Variants in MEF2C observed in about 807,000 individuals in gnomAD.
MEF2C encodes the protein myocyte-specific enhancer factor 2C.
MEF2C carries 6 observed loss-of-function variants against 50.5 expected under a neutral mutation model. The ratio of observed to expected loss-of-function variants is 0.12; its 90% CI spans 0.07 to 0.23. MEF2C has a LOEUF of 0.23. MEF2C is among the 10% of genes least tolerant of loss of function. The pLI is 1.00. For missense variants in MEF2C, 276 were observed against 605.0 expected (o/e 0.46, Z 5.70); for synonymous variants, 183 against 228.0 (o/e 0.80, Z 1.78).
At chr5:88,856,865 A>G (rs1032071285) in intron 1 of MEF2C, among the ~76,000 whole-genome samples, 6 of 152,228 alleles carry the variant, frequency 3.9e-5, no homozygotes, top group Admixed American at 3.9e-4. Context: ...CTGCTAGGGC[A>G]ATGCAGAAGG....
At chr5:88,723,768 G>A (rs953874486) in intron 10 of MEF2C, among the ~76,000 whole-genome samples, 1 of 152,222 alleles carries the variant, frequency 6.6e-6, no homozygotes, top group African/African-American at 2.4e-5. Flanking sequence ...GGCATTAGTT[G>A]ATGAATCTGG....
intron 1 of MEF2C, chr5:88,889,320 T>C (rs1481969752): frequency 6.6e-6 from 1 of 152,176 alleles, no homozygotes; most frequent in African/African-American, 2.4e-5. Context: ...TTATTGCCGA[T>C]CCTCCCCTCC....
At chr5:88,750,059 A>G in intron 5 of MEF2C, 3 of 617,220 alleles carry the variant, frequency 4.9e-6, no homozygotes, top group Non-Finnish European at 6.1e-6. Context: ...TTAGTTTTGA[A>G]AAAAACAACA....
chr5:88,745,461 G>C (rs1371135860), intron 6 of MEF2C, among the ~76,000 whole-genome samples: 1 of 152,244 alleles, frequency 6.6e-6, no homozygotes, highest in African/African-American at 2.4e-5. Flanking sequence ...GGATTGCATA[G>C]GTAAGAGTAA....
intron 10 of MEF2C, among the ~76,000 whole-genome samples, chr5:88,725,120 T>C (rs1404865468): frequency 1.3e-5 from 2 of 152,118 alleles, no homozygotes; most frequent in Non-Finnish European, 2.9e-5. Context: ...AGCTGCATTA[T>C]TCACCTCTTT....
chr5:88,891,521 G>A (rs957586733), intron 1 of MEF2C, among the ~76,000 whole-genome samples: 33 of 149,850 alleles, frequency 2.2e-4, no homozygotes, highest in African/African-American at 6.7e-4. Context: ...TCCTGCCTCA[G>A]CCTCCCGAGT....
intron 1 of MEF2C, among the ~76,000 whole-genome samples, chr5:88,851,231 CACAA>C (rs1821220528): frequency 2.8e-5 from 1 of 35,256 alleles, no homozygotes; most frequent in Non-Finnish European, 5.0e-5. Flanking sequence ...CACTCCATCT[CACAA>C]AAAAAAAAAA....
At chr5:88,866,055 CCGGCT>C (rs1827261306) in intron 1 of MEF2C, among the ~76,000 whole-genome samples, 1 of 152,096 alleles carries the variant, frequency 6.6e-6, no homozygotes. Context: ...GCAACCACGC[CCGGCT>C]AATTTTTTGT....
At chr5:88,801,663 T>A (rs1409760928) in intron 3 of MEF2C, among the ~76,000 whole-genome samples, 1 of 152,054 alleles carries the variant, frequency 6.6e-6, no homozygotes, top group Non-Finnish European at 1.5e-5. Flanking sequence ...ATTTTTTGGA[T>A]TTTTAGTAGA....
intron 6 of MEF2C, chr5:88,736,044 T>C: frequency 1.0e-6 from 1 of 985,448 alleles, no homozygotes. Flanking sequence ...AACCATTTTT[T>C]AATCTACCAA....
chr5:88,880,292 A>C (rs1011602240), intron 1 of MEF2C, among the ~76,000 whole-genome samples: 29 of 152,140 alleles, frequency 1.9e-4, no homozygotes, highest in Admixed American at 3.9e-4. Flanking sequence ...ATCTCTTAAC[A>C]GTTCATCTTG....
chr5:88,797,515 C>A (rs895701725), intron 3 of MEF2C, among the ~76,000 whole-genome samples: 1 of 117,718 alleles, frequency 8.5e-6, no homozygotes, highest in African/African-American at 3.1e-5. Flanking sequence ...ATTCATCCAT[C>A]CCTTTATTTT....
chr5:88,729,233 T>C lies in MEF2C; in HGVS notation c.949A>G (p.Thr317Ala). 6.2e-7 allele frequency: 1 copy of C among 1,613,262 alleles called. No individual in the cohort carries two copies. The highest frequency in any genetic ancestry group is 8.5e-7 in the Non-Finnish European group (1 of 1,179,374). ...GMGGYPSAIS[T>A]TYGTEYSLSS... Reference sequence around the variant, plus strand: ...AGCTACTCACCGGTACCATATGTTGTTGAAATGGCTGATGGATATCCTCCC... The same window carrying C: ...AGCTACTCACCGGTACCATATGTTGCTGAAATGGCTGATGGATATCCTCCC... The change falls in exon 9 of 11, where the codon ACA (threonine) becomes GCA (alanine). Residue 317 changes from threonine (T) to alanine (A), a missense_variant. By Grantham distance (58) the Thr-to-Ala change is moderately conservative (BLOSUM62 0). Around this residue, in one of 2 missense-constraint regions of MEF2C, gnomAD observed 256 missense variants for 468.1 expected, o/e 0.55. Coordinates refer to ENST00000504921, the MANE Select transcript of MEF2C (RefSeq NM_002397.5).
At chr5:88,809,623 G>A (rs970785031) in intron 2 of MEF2C, among the ~76,000 whole-genome samples, 1 of 151,990 alleles carries the variant, frequency 6.6e-6, no homozygotes, top group Non-Finnish European at 1.5e-5. Context: ...ATCTGAATTC[G>A]TATTTTTATT....
chr5:88,816,891 A>C (rs763098831), intron 2 of MEF2C, among the ~76,000 whole-genome samples: 18 of 151,974 alleles, frequency 1.2e-4, no homozygotes, highest in Admixed American at 3.3e-4. Flanking sequence ...AAAAGATAGG[A>C]AAATCAATAA....
chr5:88,873,708 AT>A (rs199642010), intron 1 of MEF2C, among the ~76,000 whole-genome samples: 1,628 of 93,352 alleles, frequency 0.017, 3 homozygotes, highest in African/African-American at 0.024. Flanking sequence ...GTCGTCACGG[AT>A]TTTTTTTTTT....
rs538961124 is a variant in MEF2C at position 88,804,864 on chromosome 5, T to C, written c.55-63A>G. 452 of 1,326,954 alleles carry C rather than the reference T, an allele frequency of 3.4e-4. 8 individuals are homozygous for C. In the South Asian group the frequency reaches 5.4e-3, roughly 16 times the overall value. 82.2% of individuals were successfully genotyped at this position (1,326,954 alleles called of 1,614,324 possible). The stretch of plus-strand genomic sequence containing the variant: ...ATTCATGCATGTGTGGTTTTTTTCT[T>C]TTCTTTTTTCTTTTCCTTCACAAAA... On this transcript the variant is annotated intron_variant, in intron 2 of 10. Transcript: ENST00000504921.
intron 1 of MEF2C, among the ~76,000 whole-genome samples, chr5:88,867,375 T>C (rs1333062519): frequency 1.3e-5 from 2 of 152,158 alleles, no homozygotes; most frequent in Non-Finnish European, 2.9e-5. Flanking sequence ...TGAGACTATC[T>C]GGGGTTGAGA....
intron 9 of MEF2C, 70 bp downstream of exon 9, chr5:88,729,148 A>C: frequency 6.3e-7 from 1 of 1,586,018 alleles, no homozygotes; most frequent in Non-Finnish European, 8.6e-7. Flanking sequence ...AGAGTAAAAG[A>C]TAACTTTTTC....
Sources: allele counts gnomAD v4.1 joint callset (sites outside exome capture counted in the v4.1 genomes callset), GRCh38; gene constraint gnomAD v4.1.1; regional missense constraint gnomAD v4.1.1; transcripts MANE v1.5; gene names NCBI Gene and HGNC (gene_info 2026-07-23, HGNC 2026-07-21).